RARB: variants seen among roughly 807,000 people sequenced by gnomAD.
The protein encoded by RARB is retinoic acid receptor beta.
In RARB, 17 loss-of-function variants were observed where a neutral mutation model predicts 51.9. The ratio of observed to expected loss-of-function variants is 0.33; its 90% CI spans 0.22 to 0.49. The LOEUF is 0.49. RARB is among the 20% of genes least tolerant of loss of function. The probability of loss-of-function intolerance (pLI) is 0.99; values close to 1 mark genes in which losing one functional copy is unlikely to be tolerated. For synonymous variants in RARB, 215 were observed against 195.4 expected (o/e 1.10, Z -0.84); for missense variants, 369 against 550.8 (o/e 0.67, Z 3.30).
intron 1 of RARB, among the ~76,000 whole-genome samples, chr3:24,838,764 T>C (rs13079969): frequency 0.38 from 57,484 of 151,988 alleles, 11,859 homozygotes; most frequent in Admixed American, 0.45. Flanking sequence ...CAATAATATA[T>C]GGCAATAGCA....
intron 5 of RARB, among the ~76,000 whole-genome samples, chr3:25,374,776 G>A (rs987368956): frequency 4.6e-5 from 7 of 152,118 alleles, no homozygotes; most frequent in South Asian, 2.1e-4. Context: ...ACCTAAACGT[G>A]TCTTCTTTTC....
chr3:25,249,444 A>G (rs192456093), intron 5 of RARB, among the ~76,000 whole-genome samples: 74 of 152,236 alleles, frequency 4.9e-4, no homozygotes, highest in African/African-American at 1.7e-3. Context: ...TTTATTTTGC[A>G]TTGAAATCTG....
intron 5 of RARB, among the ~76,000 whole-genome samples, chr3:25,360,584 T>G (rs1321488619): frequency 3.9e-5 from 6 of 152,176 alleles, no homozygotes; most frequent in Admixed American, 3.9e-4. Flanking sequence ...GGTCTTTACA[T>G]TTTGGTTTGT....
intron 2 of RARB, among the ~76,000 whole-genome samples, chr3:25,489,726 G>A (rs1448414650): frequency 6.6e-6 from 1 of 152,240 alleles, no homozygotes; most frequent in Non-Finnish European, 1.5e-5. Context: ...CAAAGAACAA[G>A]GCAGGGAAAG....
chr3:25,314,142 T>G (rs1185293037), intron 5 of RARB, among the ~76,000 whole-genome samples: 2 of 152,046 alleles, frequency 1.3e-5, no homozygotes. Flanking sequence ...TACTCCAAAT[T>G]TTAAAAATCA....
chr3:25,594,774 G>T (rs1214815684), intron 7 of RARB, 96 bp downstream of exon 7: 1 of 1,160,694 alleles, frequency 8.6e-7, no homozygotes, highest in Non-Finnish European at 1.1e-6. Context: ...TTTAATGGCT[G>T]CTTTTAAAGT....
intron 2 of RARB, among the ~76,000 whole-genome samples, chr3:24,893,604 T>C (rs1221078500): frequency 6.6e-6 from 1 of 152,140 alleles, no homozygotes; most frequent in Non-Finnish European, 1.5e-5. Context: ...TGCAACCTCA[T>C]ACTCCAGGGC....
rs1702523629 is a variant in RARB, at chr3:25,244,999, T to C, written c.178+70424T>C. On this transcript the variant is annotated intron_variant, in intron 5 of 11. Transcript: ENST00000383772. Reference sequence around the variant, plus strand: ...TGAATCTGGGTGCTCCCGTATTGGGTGCATATATATTTAGAATAGTTAGCT... The same window carrying C: ...TGAATCTGGGTGCTCCCGTATTGGGCGCATATATATTTAGAATAGTTAGCT... Among the ~76,000 whole-genome samples the C allele has an allele frequency of 1.3e-5, 2 of 152,236 alleles. 1 individual carries two copies. Among genetic ancestry groups the C allele is most frequent in the South Asian group, 4.1e-4 (2 of 4,838 alleles).
At chr3:24,984,673 T>C (rs983064424) in intron 2 of RARB, among the ~76,000 whole-genome samples, 17 of 152,174 alleles carry the variant, frequency 1.1e-4, no homozygotes, top group African/African-American at 3.9e-4. Flanking sequence ...AGAACTCTAA[T>C]GTACAGTGTG....
At chr3:25,201,880 G>T (rs543370596) in intron 5 of RARB, among the ~76,000 whole-genome samples, 292 of 142,370 alleles carry the variant, frequency 2.1e-3, no homozygotes, top group Non-Finnish European at 3.2e-3. Flanking sequence ...AGGGATATTG[G>T]TCTACAATTC....
At chr3:25,532,188 T>C (rs1271825011) in intron 3 of RARB, among the ~76,000 whole-genome samples, 1 of 152,212 alleles carries the variant, frequency 6.6e-6, no homozygotes, top group Non-Finnish European at 1.5e-5. Context: ...ATCTAGAAAG[T>C]CTACACATTC....
At chr3:25,152,317 G>A (rs1338499742) in intron 4 of RARB, among the ~76,000 whole-genome samples, 2 of 152,058 alleles carry the variant, frequency 1.3e-5, no homozygotes, top group African/African-American at 4.8e-5. Context: ...CTTTTCCACT[G>A]CAAACCTAGT....
chr3:25,472,983 G>A (rs965940438), intron 2 of RARB, among the ~76,000 whole-genome samples: 1 of 152,118 alleles, frequency 6.6e-6, no homozygotes, highest in Admixed American at 6.5e-5. Context: ...ATCACTCCAT[G>A]GAACACCAGA....
chr3:25,455,479 T>C (rs1026490001), intron 1 of RARB, among the ~76,000 whole-genome samples: 1 of 152,224 alleles, frequency 6.6e-6, no homozygotes, highest in African/African-American at 2.4e-5. Flanking sequence ...GACTAATTTA[T>C]TGTACAAGGA....
chr3:25,358,726 A>G (rs1248110207), intron 5 of RARB, among the ~76,000 whole-genome samples: 1 of 152,186 alleles, frequency 6.6e-6, no homozygotes, highest in Non-Finnish European at 1.5e-5. Flanking sequence ...TCCTGCATCT[A>G]ATGAGATAAT....
At chr3:25,523,914 A>G (rs1320160742) in intron 3 of RARB, among the ~76,000 whole-genome samples, 1 of 152,172 alleles carries the variant, frequency 6.6e-6, no homozygotes, top group Non-Finnish European at 1.5e-5. Flanking sequence ...AGAAGGGAGA[A>G]ATCTCTCATT....
chr3:25,133,980 A>AG (rs1033520769), intron 4 of RARB, among the ~76,000 whole-genome samples: 5 of 151,352 alleles, frequency 3.3e-5, no homozygotes, highest in Non-Finnish European at 7.4e-5. Flanking sequence ...AAAAAAAAAA[A>AG]AGACATTTGC....
At chr3:25,244,272 AT>A (rs200215353) in intron 5 of RARB, among the ~76,000 whole-genome samples, 20,815 of 133,036 alleles carry the variant, frequency 0.16, 1,469 homozygotes, top group South Asian at 0.26. Context: ...GAATTCATTG[AT>A]TTTTTTTTTT....
chr3:25,535,805 C>A (rs1699116250), intron 3 of RARB, among the ~76,000 whole-genome samples: 1 of 152,130 alleles, frequency 6.6e-6, no homozygotes, highest in Non-Finnish European at 1.5e-5. Context: ...AGTTGCTGGG[C>A]AAATGGAATG....
Sources: allele counts gnomAD v4.1 joint callset (sites outside exome capture counted in the v4.1 genomes callset), GRCh38; gene constraint gnomAD v4.1.1; transcripts MANE v1.5; gene names NCBI Gene and HGNC (gene_info 2026-07-23, HGNC 2026-07-21).